Variants in EIF2B2 observed in about 807,000 individuals in gnomAD.
The protein encoded by EIF2B2 is eukaryotic translation initiation factor 2B subunit beta, also known as translation initiation factor eIF2B subunit beta.
EIF2B2 carries 34 observed loss-of-function variants against 34.7 expected under a neutral mutation model. The ratio of observed to expected loss-of-function variants is 0.98; its 90% CI spans 0.75 to 1.31. EIF2B2 has a LOEUF of 1.31. Ranked by LOEUF, EIF2B2 falls within the 50% of genes most tolerant of loss-of-function variation. The pLI, the probability that EIF2B2 is intolerant of heterozygous loss-of-function variation, is 0.00. For missense variants in EIF2B2, 361 were observed against 447.7 expected (o/e 0.81, Z 1.75); for synonymous variants, 155 against 171.6 (o/e 0.90, Z 0.76).
chr14:75,008,243 T>G (rs1248139809), intron 7 of EIF2B2: 1 of 224,626 alleles, frequency 4.5e-6, no homozygotes, highest in Non-Finnish European at 8.9e-6. Context: ...CTCTGGCTTC[T>G]TCTGAAGGCA....
Position 75,006,475 on chromosome 14 carries a change from A to G in EIF2B2, c.694-102A>G, listed in dbSNP as rs2139254808. The G allele has an allele frequency of 1.9e-6, 3 of 1,555,988 alleles. No homozygotes were observed. The highest frequency in any genetic ancestry group is 1.7e-6 in the Non-Finnish European group (2 of 1,143,366). ...CACCTCTACCAGTCTGTGACCCCTCACGATACCAATTCTGAGGTCTAAGCA... is the reference window on the plus strand; with the variant it reads ...CACCTCTACCAGTCTGTGACCCCTCGCGATACCAATTCTGAGGTCTAAGCA... On this transcript the variant is annotated intron_variant, in intron 5 of 7. Transcript: ENST00000266126. The surrounding 1 kb of genome is among the most constrained non-coding windows in gnomAD (Gnocchi z 4.1).
chr14:75,011,681 C>T lies in EIF2B2; in HGVS notation c.*2493C>T, dbSNP rs1475357133. The T allele has an allele frequency of 6.6e-6, 1 of 152,182 alleles. No homozygotes were observed. Among genetic ancestry groups the T allele is most frequent in the Non-Finnish European group, 1.5e-5 (1 of 68,026 alleles). 9.4% of individuals were successfully genotyped at this position (152,182 alleles called of 1,614,324 possible). A position where few individuals can be genotyped will look rare whatever the true frequency, so the allele number is the denominator to read the frequency against. ...CCTGACTCACTCAGGCTCAGTCTTT[C>T]TATTATTTCTTAAAGCATCTAAGAC... On this transcript the variant is annotated 3_prime_UTR_variant, in exon 8 of 8. Transcript: ENST00000266126.
Position 75,003,648 on chromosome 14 carries a change from C to G in EIF2B2, c.382C>G (p.Gln128Glu). 1 of 1,614,166 alleles carries G rather than the reference C, an allele frequency of 6.2e-7. No homozygotes were observed. Among genetic ancestry groups the G allele is most frequent in the East Asian group, 2.2e-5 (1 of 44,876 alleles). ...CGAGGATTTCAGCTTCCATTATGCC[C>G]AACTCCAGTCCAACATCATTGAGGC... ...LNEDFSFHYA[Q>E]LQSNIIEAIN... Residue 128 changes from glutamine to glutamate, a missense_variant, in exon 3 of 8, where the codon CAA becomes GAA. Physicochemically the swap from Gln to Glu is conservative, Grantham distance 29 (BLOSUM62 2). Transcript: ENST00000266126.
intron 3 of EIF2B2, 48 bp from the exon 4 acceptor site, chr14:75,004,689 A>ATATATATATATATATATTTTTTTT: frequency 1.4e-5 from 2 of 146,206 alleles, no homozygotes; most frequent in African/African-American, 1.4e-4. Flanking sequence ...ATATATATAT[A>ATATATATATATATATATTTTTTTT]TTTTTTTTTT....
At chr14:75,005,031 C>A in intron 4 of EIF2B2, 131 bp downstream of exon 4, 1 of 963,938 alleles carries the variant, frequency 1.0e-6, no homozygotes, top group Non-Finnish European at 1.6e-6. Context: ...TCAAGTAAAA[C>A]ATTAAGTGAA....
At position 75,011,250 on chromosome 14, in the gene EIF2B2, A is replaced by T. The variant is rs1006513651; in HGVS notation, c.*2062A>T. The T allele has an allele frequency of 6.6e-6, 1 of 152,186 alleles. No homozygotes were observed. 9.4% of individuals were successfully genotyped at this position (152,186 alleles called of 1,614,324 possible). A position where few individuals can be genotyped will look rare whatever the true frequency, so the allele number is the denominator to read the frequency against. ...CATAGGGAAACAGTATAGAAGTATAATACCAAGCACAGCAAGCAGAGGGAC... is the reference window on the plus strand; with the variant it reads ...CATAGGGAAACAGTATAGAAGTATATTACCAAGCACAGCAAGCAGAGGGAC... On this transcript the variant is annotated 3_prime_UTR_variant, in exon 8 of 8. Transcript: ENST00000266126.
At chr14:75,004,191 C>T (rs1269699169) in intron 3 of EIF2B2, among the ~76,000 whole-genome samples, 2 of 152,164 alleles carry the variant, frequency 1.3e-5, no homozygotes, top group African/African-American at 4.8e-5. Context: ...GTTGTGGCCA[C>T]CTTTTGGAGG....
At position 75,009,371 on chromosome 14, in the gene EIF2B2, T is replaced by TACACA. The variant is rs1283940247; in HGVS notation, c.*183_*184insACACA. 2 of 668,210 alleles carry TACACA rather than the reference T, an allele frequency of 3.0e-6. No individual in the cohort carries two copies. The highest frequency in any genetic ancestry group is 3.5e-5 in the African/African-American group (2 of 56,466). 41.4% of individuals were successfully genotyped at this position (668,210 alleles called of 1,614,324 possible). ...CGTAACAAGGGCACACATCCAGGAC[T>TACACA]GTGTCTTGCCTTTCAGATCTTAACA... is the stretch of plus-strand genomic sequence containing the variant. On this transcript the variant is annotated 3_prime_UTR_variant, in exon 8 of 8. Transcript: ENST00000266126.
At chr14:75,003,944 G>T (rs1207167630) in intron 3 of EIF2B2, among the ~76,000 whole-genome samples, 1 of 152,148 alleles carries the variant, frequency 6.6e-6, no homozygotes, top group Non-Finnish European at 1.5e-5. Flanking sequence ...ACTCTATTAG[G>T]ACAGAGTTTT....
intron 1 of EIF2B2, 37 bp downstream of exon 1, chr14:75,003,190 C>G: frequency 6.2e-7 from 1 of 1,613,326 alleles, no homozygotes; most frequent in Non-Finnish European, 8.5e-7. Context: ...AACCTGGCCC[C>G]TGTCTGTTCC....
Position 75,006,369 on chromosome 14 carries a change from GT to G in EIF2B2, c.694-205del, listed in dbSNP as rs1461082198. 2.2e-5 allele frequency: 15 copies of G among 696,728 alleles called. No homozygotes were observed. The Admixed American group carries it at 4.3e-4, about 20-fold the overall frequency. 43.2% of individuals were successfully genotyped at this position (696,728 alleles called of 1,614,324 possible). On this transcript the variant is annotated intron_variant, in intron 5 of 7. Transcript: ENST00000266126. This position sits in a 1 kb window ranked among gnomAD's most constrained non-coding sequence, Gnocchi z 4.1. ...GGGACTGAGAGCAGTAGGTTTTGCA[GT>G]TTCTTGTCCCATTTTACATTCATTC...
chr14:75,004,636 G>A (rs549542177), intron 3 of EIF2B2, 101 bp from the exon 4 acceptor site: 11 of 399,942 alleles, frequency 2.8e-5, no homozygotes, highest in East Asian at 7.4e-5. Context: ...TTCCGTATAC[G>A]CGTAATGTGT....
At chr14:75,004,935 T>G in intron 4 of EIF2B2, 35 bp downstream of exon 4, 1 of 1,605,376 alleles carries the variant, frequency 6.2e-7, no homozygotes, top group Non-Finnish European at 8.5e-7. Context: ...CTAAGAAAAA[T>G]GAAAAATGAA....
rs1595011175 is a variant in EIF2B2 at position 75,009,490 on chromosome 14, T to C, written c.*302T>C. ...TAAACTTTCTGGTTCAGTAGTGTGT[T>C]AAACATAACACTGAATACCTTACTG... On this transcript the variant is annotated 3_prime_UTR_variant, in exon 8 of 8. Transcript: ENST00000266126. The C allele has an allele frequency of 2.4e-6, 1 of 409,758 alleles. No individual in the cohort carries two copies. The highest frequency in any genetic ancestry group is 5.5e-5 in the East Asian group (1 of 18,246). The allele number at this position is 409,758 out of a possible 1,614,324, so 25.4% of individuals were successfully genotyped here.
In EIF2B2 at chr14:75,006,477, G is replaced by A. The variant is rs557486246; in HGVS notation, c.694-100G>A. ...CCTCTACCAGTCTGTGACCCCTCAC[G>A]ATACCAATTCTGAGGTCTAAGCATT... On this transcript the variant is annotated intron_variant, in intron 5 of 7. Transcript: ENST00000266126. This position sits in a 1 kb window ranked among gnomAD's most constrained non-coding sequence, Gnocchi z 4.1. 1.3e-5 allele frequency: 20 copies of A among 1,555,748 alleles called. No individual in the cohort carries two copies. The East Asian group carries it at 1.8e-4, about 14-fold the overall frequency.
Position 75,003,322 on chromosome 14 carries a change from G to T in EIF2B2, c.211G>T (p.Ala71Ser). 6.2e-7 allele frequency: 1 copy of T among 1,613,790 alleles called. No individual in the cohort carries two copies. Among genetic ancestry groups the T allele is most frequent in the Non-Finnish European group, 8.5e-7 (1 of 1,179,970 alleles). ...IRREGRRMTAAQPSETTVGNM... is the reference protein window; with the variant it reads ...IRREGRRMTASQPSETTVGNM... ...CAGAGAGGGCAGGAGGATGACGGCC[G>T]CTCAGCCCTCCGAGACCACCGTGGG... Residue 71 changes from alanine (A) to serine (S), a missense_variant, in exon 2 of 8, where the codon GCT (alanine) becomes TCT (serine). Transcript: ENST00000266126.
intron 3 of EIF2B2, 48 bp from the exon 4 acceptor site, chr14:75,004,689 A>ATATATATATATATATATTTATT: frequency 6.8e-6 from 1 of 146,208 alleles, no homozygotes; most frequent in African/African-American, 7.2e-5. Context: ...ATATATATAT[A>ATATATATATATATATATTTATT]TTTTTTTTTT....
Position 75,006,064 on chromosome 14 carries a change from A to G in EIF2B2, c.693+103A>G. The G allele has an allele frequency of 1.0e-6, 1 of 984,910 alleles. No individual in the cohort carries two copies. The highest frequency in any genetic ancestry group is 1.6e-6 in the Non-Finnish European group (1 of 616,252). The allele number at this position is 984,910 out of a possible 1,614,324, so 61.0% of individuals were successfully genotyped here. A position where few individuals can be genotyped will look rare whatever the true frequency, so the allele number is the denominator to read the frequency against. On this transcript the variant is annotated intron_variant, in intron 5 of 7. Coordinates refer to ENST00000266126, the MANE Select transcript of EIF2B2 (RefSeq NM_014239.4). This position sits in a 1 kb window ranked among gnomAD's most constrained non-coding sequence, Gnocchi z 4.1. The stretch of plus-strand genomic sequence containing the variant: ...TCCACGGTGAGAGAATAAAGTTTCT[A>G]GCACCTTTCAAAGTACATACTTAGG...
At chr14:75,007,590 C>A in intron 6 of EIF2B2, 132 bp from the exon 7 acceptor site, 1 of 747,740 alleles carries the variant, frequency 1.3e-6, no homozygotes. Context: ...CAGCTTTTGG[C>A]TTTTGTGAAT....
Sources: allele counts gnomAD v4.1 joint callset (sites outside exome capture counted in the v4.1 genomes callset), GRCh38; gene constraint gnomAD v4.1.1; non-coding constraint Gnocchi (gnomAD v3.1); transcripts MANE v1.5; gene names NCBI Gene and HGNC (gene_info 2026-07-23, HGNC 2026-07-21).